Variants in AXIN1 observed in about 807,000 individuals in gnomAD.
AXIN1 encodes axin-1.
AXIN1 carries 30 observed loss-of-function variants against 76.4 expected under a neutral mutation model. That is an observed-to-expected ratio of 0.39 (90% CI 0.29 to 0.53). The LOEUF (loss-of-function observed/expected upper bound fraction) is 0.53, where lower values mean the gene tolerates loss of function less well. Among genes scored for constraint, AXIN1 ranks in the 20% least tolerant of loss-of-function variants. The pLI is 0.66. For missense variants in AXIN1, 1,140 were observed against 1,198.8 expected (o/e 0.95, Z 0.72); for synonymous variants, 545 against 501.4 (o/e 1.09, Z -1.16).
In AXIN1 at chr16:293,487, C is replaced by T. The variant is rs2052625224; in HGVS notation, c.2186+1G>A. ...CACCCCACCCCACGACGCGGCCGTACCTCTGCTTGGAGGGTGCTCGGCTGG... is the reference window on the plus strand; with the variant it reads ...CACCCCACCCCACGACGCGGCCGTATCTCTGCTTGGAGGGTGCTCGGCTGG... On this transcript the variant is annotated splice_donor_variant, in intron 8 of 10. Transcript: ENST00000262320. LOFTEE classifies it high-confidence loss of function. The surrounding 1 kb of genome is among the most constrained non-coding windows in gnomAD (Gnocchi z 4.6). The T allele has an allele frequency of 6.2e-7, 1 of 1,608,754 alleles. No individual in the cohort carries two copies. The highest frequency in any genetic ancestry group is 8.5e-7 in the Non-Finnish European group (1 of 1,179,882).
chr16:291,955 T>TG (rs887750758), intron 8 of AXIN1: 3 of 155,458 alleles, frequency 1.9e-5, no homozygotes, highest in Admixed American at 6.3e-5. Context: ...GGTTTCCCCA[T>TG]GGGGGGATGC....
chr16:301,874 G>C (rs1038726083), intron 5 of AXIN1, among the ~76,000 whole-genome samples: 3 of 152,234 alleles, frequency 2.0e-5, no homozygotes, highest in African/African-American at 7.2e-5. Flanking sequence ...TTACGTTTCT[G>C]TTGTGAGCAT....
Position 346,409 on chromosome 16 carries a change from A to C in AXIN1, c.617T>G (p.Ile206Ser). The change falls in exon 2 of 11, where the codon ATT (isoleucine) becomes AGT (serine). Residue 206 changes from isoleucine (I) to serine (S), a missense_variant. Coordinates refer to ENST00000262320, the MANE Select transcript of AXIN1 (RefSeq NM_003502.4). ...NTYPSFLKSDIYLEYTRTGSE... is the reference protein window; with the variant it reads ...NTYPSFLKSDSYLEYTRTGSE... ...GCCTGTCCTCGTATATTCCAAATAA[A>C]TATCAGACTTAAGGAAGGAGGGATA... 1 of 1,614,182 alleles carries C rather than the reference A, an allele frequency of 6.2e-7. No individual in the cohort carries two copies. Among genetic ancestry groups the C allele is most frequent in the Non-Finnish European group, 8.5e-7 (1 of 1,180,038 alleles).
chr16:349,135 T>C (rs1203771459), intron 1 of AXIN1, among the ~76,000 whole-genome samples: 1 of 134,478 alleles, frequency 7.4e-6, no homozygotes, highest in Admixed American at 7.4e-5. Context: ...AAAATAAAAT[T>C]AGTAAATAAA....
Position 288,108 on chromosome 16 carries a change from A to T in AXIN1, c.*14T>A, listed in dbSNP as rs200214546. The T allele has an allele frequency of 2.4e-4, 386 of 1,613,062 alleles. No individual in the cohort carries two copies. Among genetic ancestry groups the T allele is most frequent in the Non-Finnish European group, 3.1e-4 (369 of 1,180,000 alleles). On this transcript the variant is annotated 3_prime_UTR_variant, in exon 11 of 11. Coordinates refer to ENST00000262320, the MANE Select transcript of AXIN1 (RefSeq NM_003502.4). ...AAGGGCCTCGCCTGGCACAGCGGCC[A>T]GCCCACCAGCCTATCAGTCCACCTT...
rs776077034 is a variant in AXIN1, at chr16:297,943, C to G, written c.1563G>C (p.Gly521=). ...GCAGGCCGGCCGCGTCCAGCTTCGC[C>G]CCTGACTTGGGTACGTGCTTCCCGT... The part of the protein sequence containing the change: ...SGHGKHVPKS[G]AKLDAAGLHH... Residue 521 remains glycine, a synonymous_variant, in exon 6 of 11, where the codon GGG becomes GGC. Coordinates refer to ENST00000262320, the MANE Select transcript of AXIN1 (RefSeq NM_003502.4). 6.2e-7 allele frequency: 1 copy of G among 1,602,370 alleles called. No individual in the cohort carries two copies. The highest frequency in any genetic ancestry group is 1.3e-5 in the African/African-American group (1 of 74,792).
Position 309,830 on chromosome 16 carries a change from A to C in AXIN1, c.1116+143T>G, listed in dbSNP as rs2053126705. 12 of 781,036 alleles carry C rather than the reference A, an allele frequency of 1.5e-5. No individual in the cohort carries two copies. The Admixed American group carries it at 2.4e-4, about 16-fold the overall frequency. 48.4% of individuals were successfully genotyped at this position (781,036 alleles called of 1,614,324 possible). ...GCCCTCAGGGACTGGCCACTTGCAG[A>C]TGTTGCTGGGATCACACGCTTACGC... On this transcript the variant is annotated intron_variant, in intron 4 of 10. Transcript: ENST00000262320.
intron 1 of AXIN1, among the ~76,000 whole-genome samples, chr16:348,914 C>G (rs532019674): frequency 1.3e-5 from 2 of 151,646 alleles, no homozygotes; most frequent in African/African-American, 4.8e-5. Flanking sequence ...CTGGCTAACA[C>G]GGTGAAACCC....
rs1161477241 is a variant in AXIN1, at chr16:293,386, G to C, written c.2186+102C>G. ...AGTATGGCTGGGGGACACCCAGAGG[G>C]CCGTTTTTCCCCTGAAGACCTCAGG... is the stretch of plus-strand genomic sequence containing the variant. On this transcript the variant is annotated intron_variant, in intron 8 of 10. Coordinates refer to ENST00000262320, the MANE Select transcript of AXIN1 (RefSeq NM_003502.4). This position sits in a 1 kb window ranked among gnomAD's most constrained non-coding sequence, Gnocchi z 4.6. 8.5e-7 allele frequency: 1 copy of C among 1,182,638 alleles called. No individual in the cohort carries two copies. Among genetic ancestry groups the C allele is most frequent in the East Asian group, 2.5e-5 (1 of 39,498 alleles). The allele number at this position is 1,182,638 out of a possible 1,614,324, so 73.3% of individuals were successfully genotyped here. A position where few individuals can be genotyped will look rare whatever the true frequency, so the allele number is the denominator to read the frequency against.
At chr16:306,833 G>A (rs1347750752) in intron 4 of AXIN1, among the ~76,000 whole-genome samples, 1 of 152,250 alleles carries the variant, frequency 6.6e-6, no homozygotes. Flanking sequence ...CCAAGGAGGA[G>A]CATCCAGTGC....
rs1240894974 is a variant in AXIN1, at chr16:314,773, T to G, written c.879-90A>C. The stretch of plus-strand genomic sequence containing the variant: ...TTTTCATGTTATCTGAATATCTCAA[T>G]GTATTAATTAAAAACACAAGCAATT... On this transcript the variant is annotated intron_variant, in intron 2 of 10. Transcript: ENST00000262320. 1.8e-5 allele frequency: 28 copies of G among 1,558,216 alleles called. 1 individual carries two copies. Among genetic ancestry groups the G allele is most frequent in the Non-Finnish European group, 2.3e-5 (27 of 1,152,580 alleles).
chr16:308,349 T>TTCTG lies in AXIN1; in HGVS notation c.1116+1620_1116+1623dup, dbSNP rs148377534. ...TCCAGGCACCAACGCACTCCACAGC[T>TTCTG]TCTGTCCTTCCTGACCCTTCTGAGG... On this transcript the variant is annotated intron_variant, in intron 4 of 10. Coordinates refer to ENST00000262320, the MANE Select transcript of AXIN1 (RefSeq NM_003502.4). Among the ~76,000 whole-genome samples, 202 of 152,360 alleles carry TTCTG rather than the reference T, an allele frequency of 1.3e-3. 1 individual carries two copies. The highest frequency in any genetic ancestry group is 4.8e-3 in the African/African-American group (198 of 41,594).
intron 10 of AXIN1, 35 bp downstream of exon 10, chr16:289,405 G>T (rs201492076): frequency 8.1e-6 from 13 of 1,611,884 alleles, no homozygotes; most frequent in Non-Finnish European, 1.1e-5. Context: ...CCACATACTC[G>T]TGCGGGGAGG....
intron 2 of AXIN1, among the ~76,000 whole-genome samples, chr16:321,921 G>A (rs1405865314): frequency 1.3e-5 from 2 of 152,232 alleles, no homozygotes; most frequent in South Asian, 2.1e-4. Flanking sequence ...CCTAAGTGGA[G>A]CCATCCTAAG....
chr16:321,730 C>T (rs2053463029), intron 2 of AXIN1, among the ~76,000 whole-genome samples: 1 of 152,110 alleles, frequency 6.6e-6, no homozygotes, highest in Non-Finnish European at 1.5e-5. Context: ...GGGTTAAACC[C>T]TCTCATAGCT....
chr16:292,645 G>A (rs1255804448), intron 8 of AXIN1: 1 of 152,244 alleles, frequency 6.6e-6, no homozygotes, highest in African/African-American at 2.4e-5. Context: ...GGGCCTGGGT[G>A]AGCTATAGGC....
chr16:297,494 G>C (rs990697924), intron 6 of AXIN1, among the ~76,000 whole-genome samples: 3 of 152,144 alleles, frequency 2.0e-5, no homozygotes, highest in African/African-American at 7.2e-5. Context: ...AAGACTGAGG[G>C]CCAGAGCGGG....
intron 7 of AXIN1, among the ~76,000 whole-genome samples, chr16:295,942 G>A (rs565087246): frequency 7.9e-5 from 12 of 151,214 alleles, no homozygotes; most frequent in South Asian, 4.2e-4. Context: ...ACTCCAGCCC[G>A]GGCGACAGAG....
In AXIN1 at chr16:320,739, A is replaced by ATTTTTT. The variant is rs1442116204; in HGVS notation, c.879-6057_879-6056insAAAAAA. Among the ~76,000 whole-genome samples the ATTTTTT allele has an allele frequency of 4.2e-3, 387 of 91,876 alleles. 3 individuals carry two copies. Among genetic ancestry groups the ATTTTTT allele is most frequent in the African/African-American group, 9.2e-3 (138 of 14,982 alleles). The allele number at this position is 91,876 out of a possible 152,430, so 60.3% of individuals were successfully genotyped here. A position where few individuals can be genotyped will look rare whatever the true frequency, so the allele number is the denominator to read the frequency against. On this transcript the variant is annotated intron_variant, in intron 2 of 10. Coordinates refer to ENST00000262320, the MANE Select transcript of AXIN1 (RefSeq NM_003502.4). ...CGTGTGTGTGTATATATATATATAT[A>ATTTTTT]TATATTTTTTTTTTTTTTGAGACGG... is the stretch of plus-strand genomic sequence containing the variant.
Sources: gnomAD v4.1 joint callset for allele counts (sites outside exome capture counted in the v4.1 genomes callset) on GRCh38, gnomAD v4.1.1 for gene constraint, Gnocchi (gnomAD v3.1) non-coding constraint, MANE v1.5 for transcripts, NCBI Gene and HGNC (gene_info 2026-07-23, HGNC 2026-07-21) for gene names.